Variants in JARID2 observed in about 807,000 individuals in gnomAD.
JARID2 encodes jumonji and AT-rich interaction domain containing 2, also known as protein Jumonji.
A neutral mutation model predicts 125.6 loss-of-function variants in JARID2; 21 were observed. That is an observed-to-expected ratio of 0.17 (90% CI 0.12 to 0.24). The LOEUF is 0.24. Among genes scored for constraint, JARID2 ranks in the 10% least tolerant of loss-of-function variants. The pLI, the probability that JARID2 is intolerant of heterozygous loss-of-function variation, is 1.00. For synonymous variants in JARID2, 736 were observed against 661.6 expected, an observed-to-expected ratio of 1.11 and a Z score of -1.73; for missense variants, 1,303 against 1,639.6, an observed-to-expected ratio of 0.79 and a Z score of 3.55.
chr6:15,378,332 A>C (rs1764449527), intron 2 of JARID2, among the ~76,000 whole-genome samples: 1 of 151,906 alleles, frequency 6.6e-6, no homozygotes, highest in African/African-American at 2.4e-5. Flanking sequence ...TGTCCAGTCC[A>C]GAGCCATTGC....
intron 1 of JARID2, among the ~76,000 whole-genome samples, chr6:15,312,011 G>A (rs1561785867): frequency 6.6e-6 from 1 of 152,096 alleles, no homozygotes; most frequent in Non-Finnish European, 1.5e-5. Flanking sequence ...TTCTACATAT[G>A]CACCCCTACT....
At chr6:15,515,378 G>T (rs1451501589) in intron 16 of JARID2, among the ~76,000 whole-genome samples, 1 of 152,192 alleles carries the variant, frequency 6.6e-6, no homozygotes, top group Non-Finnish European at 1.5e-5. Flanking sequence ...AGTTACACCT[G>T]GGGGTGAAGC....
intron 12 of JARID2, chr6:15,509,007 G>A (rs1344537319): frequency 1.6e-6 from 2 of 1,289,362 alleles, no homozygotes; most frequent in Non-Finnish European, 2.0e-6. Flanking sequence ...GGTGGCTGTG[G>A]GGAGTAGAGT....
intron 3 of JARID2, among the ~76,000 whole-genome samples, chr6:15,448,122 T>A (rs761840257): frequency 6.6e-6 from 1 of 152,306 alleles, no homozygotes; most frequent in East Asian, 1.9e-4. Context: ...ATAAAAGATA[T>A]TGGTTTGTCT....
intron 3 of JARID2, among the ~76,000 whole-genome samples, chr6:15,418,599 G>A (rs531465992): frequency 1.3e-5 from 2 of 152,264 alleles, no homozygotes; most frequent in Non-Finnish European, 2.9e-5. Context: ...TATTTAACTA[G>A]TACAGAAGTA....
At chr6:15,411,938 A>T (rs1765895837) in intron 3 of JARID2, among the ~76,000 whole-genome samples, 1 of 152,172 alleles carries the variant, frequency 6.6e-6, no homozygotes, top group African/African-American at 2.4e-5. Flanking sequence ...ACTCACTGTG[A>T]TTCTCTCAGA....
intron 3 of JARID2, among the ~76,000 whole-genome samples, chr6:15,420,895 TG>T (rs1766457189): frequency 6.6e-6 from 1 of 152,236 alleles, no homozygotes; most frequent in Admixed American, 6.5e-5. Context: ...GCACTATTCC[TG>T]GTGCTTTTAC....
At chr6:15,506,324 A>G (rs1445665608) in intron 9 of JARID2, among the ~76,000 whole-genome samples, 1 of 152,216 alleles carries the variant, frequency 6.6e-6, no homozygotes, top group Non-Finnish European at 1.5e-5. Context: ...GAGGGAATCC[A>G]GTCATTTAAT....
At chr6:15,490,652 A>G (rs1217733633) in intron 6 of JARID2, among the ~76,000 whole-genome samples, 1 of 152,238 alleles carries the variant, frequency 6.6e-6, no homozygotes, top group African/African-American at 2.4e-5. Flanking sequence ...CCCCTGGGTA[A>G]TAATTTGGTT....
intron 1 of JARID2, among the ~76,000 whole-genome samples, chr6:15,355,721 C>T (rs1448059267): frequency 6.6e-6 from 1 of 152,088 alleles, no homozygotes; most frequent in African/African-American, 2.4e-5. Context: ...AAACGATTCT[C>T]GTGCCTCGGT....
intron 1 of JARID2, among the ~76,000 whole-genome samples, chr6:15,275,347 C>T (rs1213126163): frequency 6.6e-6 from 1 of 152,038 alleles, no homozygotes; most frequent in Non-Finnish European, 1.5e-5. Flanking sequence ...AGCTGTACTT[C>T]CAGAATTGGA....
intron 2 of JARID2, among the ~76,000 whole-genome samples, chr6:15,396,076 A>G (rs1765208945): frequency 6.6e-6 from 1 of 152,248 alleles, no homozygotes; most frequent in South Asian, 2.1e-4. Flanking sequence ...TTTTCAAAAT[A>G]TTCTGAAAAA....
At chr6:15,465,813 TG>T (rs68107808) in intron 4 of JARID2, among the ~76,000 whole-genome samples, 5,431 of 149,380 alleles carry the variant, frequency 0.036, 148 homozygotes, top group Middle Eastern at 0.11. Context: ...TTTGTTTGTT[TG>T]TTTTTTTGAG....
intron 1 of JARID2, among the ~76,000 whole-genome samples, chr6:15,289,556 A>AAC (rs1761128613): frequency 6.6e-6 from 1 of 152,134 alleles, no homozygotes; most frequent in South Asian, 2.1e-4. Flanking sequence ...AATTGTAAAA[A>AAC]AAAAAAACCA....
chr6:15,390,130 G>A (rs1326812274), intron 2 of JARID2, among the ~76,000 whole-genome samples: 1 of 152,180 alleles, frequency 6.6e-6, no homozygotes, highest in East Asian at 1.9e-4. Context: ...AGTTTCCACA[G>A]TAAGGAGGAG....
intron 1 of JARID2, among the ~76,000 whole-genome samples, chr6:15,266,125 A>ATT (rs905169624): frequency 6.6e-6 from 1 of 152,168 alleles, no homozygotes; most frequent in Non-Finnish European, 1.5e-5. Context: ...TCCTGGAGAC[A>ATT]TTTGTGTCTT....
chr6:15,261,643 G>A (rs1441991079), intron 1 of JARID2, among the ~76,000 whole-genome samples: 1 of 151,104 alleles, frequency 6.6e-6, no homozygotes, highest in Non-Finnish European at 1.5e-5. Flanking sequence ...TCTAAGGAAT[G>A]TGGTTTCTGC....
At chr6:15,455,173 A>G (rs1245590054) in intron 4 of JARID2, among the ~76,000 whole-genome samples, 2 of 143,698 alleles carry the variant, frequency 1.4e-5, no homozygotes, top group East Asian at 2.1e-4. Context: ...TGCCTTGGCA[A>G]TTAAGTGGCA....
intron 2 of JARID2, among the ~76,000 whole-genome samples, chr6:15,394,399 T>C (rs962554722): frequency 2.0e-5 from 3 of 152,042 alleles, no homozygotes; most frequent in Non-Finnish European, 4.4e-5. Flanking sequence ...GGAGGATCGC[T>C]TCAGGCCTGG....
Sources: gnomAD v4.1 joint callset for allele counts (sites outside exome capture counted in the v4.1 genomes callset) on GRCh38, gnomAD v4.1.1 for gene constraint, MANE v1.5 for transcripts, NCBI Gene and HGNC (gene_info 2026-07-23, HGNC 2026-07-21) for gene names.